The following DTNA variants were observed in gnomAD, a reference collection of about 807,000 sequenced individuals.
DTNA encodes the protein dystrophin-related protein 3.
In DTNA, 43 loss-of-function variants were observed where a neutral mutation model predicts 100.7. The observed-to-expected ratio is 0.43, with a 90% CI of 0.33 to 0.55. DTNA has a LOEUF of 0.55. DTNA is among the 20% of genes least tolerant of loss of function. The pLI is 0.04. For synonymous variants in DTNA, 349 were observed against 347.9 expected (o/e 1.00, Z -0.04); for missense variants, 798 against 953.9 (o/e 0.84, Z 2.15).
chr18:34,824,489 A>T (rs2095805940), intron 9 of DTNA, among the ~76,000 whole-genome samples: 1 of 151,942 alleles, frequency 6.6e-6, no homozygotes, highest in Non-Finnish European at 1.5e-5. Flanking sequence ...AAAAAAAAAA[A>T]ATTTTTTTTA....
In DTNA at chr18:34,749,643, A is replaced by AAAAAAAAAT. The variant is rs1210485347; in HGVS notation, c.-1-6331_-1-6330insAAAAAATAA. Among the ~76,000 whole-genome samples the AAAAAAAAAT allele has an allele frequency of 2.4e-3, 95 of 39,858 alleles. 1 individual carries two copies. The highest frequency in any genetic ancestry group is 3.3e-3 in the Non-Finnish European group (64 of 19,522). 26.1% of individuals were successfully genotyped at this position (39,858 alleles called of 152,430 possible). ...GTGAGCTCATGCACCTCTCTCCAAA[A>AAAAAAAAAT]AATAATAATAATAATAATAATAATA... On this transcript the variant is annotated intron_variant, in intron 1 of 22. Coordinates refer to ENST00000444659, the MANE Select transcript of DTNA (RefSeq NM_001386795.1).
At chr18:34,857,757 A>G (rs2096570633) in intron 15 of DTNA, among the ~76,000 whole-genome samples, 1 of 152,190 alleles carries the variant, frequency 6.6e-6, no homozygotes, top group Admixed American at 6.5e-5. Flanking sequence ...GTTTTCTCAG[A>G]TAAATTCAAT....
At chr18:34,727,075 T>C (rs2086879105) in intron 1 of DTNA, among the ~76,000 whole-genome samples, 1 of 152,174 alleles carries the variant, frequency 6.6e-6, no homozygotes, top group Admixed American at 6.5e-5. Flanking sequence ...GTTTGCACTC[T>C]CAGAAGCGGC....
At chr18:34,790,049 G>A (rs1371151849) in intron 3 of DTNA, among the ~76,000 whole-genome samples, 1 of 152,192 alleles carries the variant, frequency 6.6e-6, no homozygotes, top group Non-Finnish European at 1.5e-5. Context: ...TCATGACTAT[G>A]CCTTATTGCA....
chr18:34,849,643 T>C (rs1437579000), intron 14 of DTNA, among the ~76,000 whole-genome samples: 2 of 152,254 alleles, frequency 1.3e-5, no homozygotes, highest in African/African-American at 4.8e-5. Flanking sequence ...AAATGTTTTG[T>C]TGAGCCCCAC....
chr18:34,594,695 A>G (rs564086851), intron 1 of DTNA, among the ~76,000 whole-genome samples: 1 of 152,200 alleles, frequency 6.6e-6, no homozygotes, highest in Admixed American at 6.5e-5. Flanking sequence ...TGGGCATTAT[A>G]TTGATAAAGT....
At chr18:34,628,718 A>C (rs1311493387) in intron 1 of DTNA, among the ~76,000 whole-genome samples, 1 of 152,174 alleles carries the variant, frequency 6.6e-6, no homozygotes, top group South Asian at 2.1e-4. Flanking sequence ...GTATGTGTGA[A>C]GTATTATTGG....
chr18:34,753,354 TTTA>T (rs141986041), intron 1 of DTNA, among the ~76,000 whole-genome samples: 123,170 of 133,962 alleles, frequency 0.92, 56,553 homozygotes, highest in Middle Eastern at 0.98. Context: ...TATTTATTTA[TTTA>T]TTTATTTTAT....
At chr18:34,570,004 G>A (rs1314883528) in intron 1 of DTNA, among the ~76,000 whole-genome samples, 1 of 152,064 alleles carries the variant, frequency 6.6e-6, no homozygotes, top group Non-Finnish European at 1.5e-5. Flanking sequence ...TGACACATAC[G>A]TTCCATTAGC....
At chr18:34,754,255 G>A (rs1202169919) in intron 1 of DTNA, among the ~76,000 whole-genome samples, 1 of 151,932 alleles carries the variant, frequency 6.6e-6, no homozygotes, top group Non-Finnish European at 1.5e-5. Flanking sequence ...TTACCCTCAG[G>A]TGAGTCATTT....
chr18:34,659,615 TACACACAGAC>T (rs561929626), intron 1 of DTNA, among the ~76,000 whole-genome samples: 2,226 of 148,708 alleles, frequency 0.015, 43 homozygotes, highest in African/African-American at 0.05. Flanking sequence ...CACGTACACA[TACACACAGAC>T]ACACACAGAC....
chr18:34,728,223 A>C (rs752003796), intron 1 of DTNA, among the ~76,000 whole-genome samples: 2 of 152,146 alleles, frequency 1.3e-5, no homozygotes, highest in Non-Finnish European at 2.9e-5. Context: ...TTGTATAATT[A>C]TTGGAGTTTT....
chr18:34,744,061 G>C (rs1001768642), intron 1 of DTNA, among the ~76,000 whole-genome samples: 2 of 152,096 alleles, frequency 1.3e-5, no homozygotes, highest in Non-Finnish European at 2.9e-5. Flanking sequence ...TCTTCACTGT[G>C]TTTATCTCAA....
chr18:34,860,328 A>G (rs1358099363), intron 16 of DTNA, among the ~76,000 whole-genome samples: 1 of 146,862 alleles, frequency 6.8e-6, no homozygotes, highest in Admixed American at 7.0e-5. Flanking sequence ...CGGCCTCCCA[A>G]AGTGCTGGAA....
chr18:34,879,538 T>C lies in DTNA; in HGVS notation c.1994-13T>C, dbSNP rs1464885314. On this transcript the variant is annotated splice_polypyrimidine_tract_variant and intron_variant, in intron 19 of 22. Transcript: ENST00000444659. The stretch of plus-strand genomic sequence containing the variant: ...AACGAGTCATTCTTTATTTCTTCAA[T>C]TGTATCTGCTAGAGGTTGGGAGTGA... 3 of 1,613,974 alleles carry C rather than the reference T, an allele frequency of 1.9e-6. No individual in the cohort carries two copies. The highest frequency in any genetic ancestry group is 2.5e-6 in the Non-Finnish European group (3 of 1,179,910).
At chr18:34,862,911 A>G (rs1363862908) in intron 16 of DTNA, among the ~76,000 whole-genome samples, 1 of 152,198 alleles carries the variant, frequency 6.6e-6, no homozygotes, top group South Asian at 2.1e-4. Context: ...TGACATTTTT[A>G]TATCATCAGT....
At position 34,888,791 on chromosome 18, in the gene DTNA, A is replaced by G. The variant is rs1358901548; in HGVS notation, c.*1057A>G. The G allele has an allele frequency of 8.1e-6, 8 of 985,740 alleles. No individual in the cohort carries two copies. Among genetic ancestry groups the G allele is most frequent in the African/African-American group, 1.7e-5 (1 of 57,232 alleles). 61.1% of individuals were successfully genotyped at this position (985,740 alleles called of 1,614,324 possible). A position where few individuals can be genotyped will look rare whatever the true frequency, so the allele number is the denominator to read the frequency against. ...GCACCGCTCGTTCACAAGTTCCCCCATCAAGTTGTTTGGAGGCCTTCAGCT... is the reference window on the plus strand; with the variant it reads ...GCACCGCTCGTTCACAAGTTCCCCCGTCAAGTTGTTTGGAGGCCTTCAGCT... On this transcript the variant is annotated 3_prime_UTR_variant, in exon 23 of 23. Transcript: ENST00000444659.
At chr18:34,635,766 G>A (rs1024895067) in intron 1 of DTNA, among the ~76,000 whole-genome samples, 6 of 152,032 alleles carry the variant, frequency 3.9e-5, no homozygotes, top group Admixed American at 1.3e-4. Flanking sequence ...AGTCTTTTAG[G>A]TACTGGGAAG....
chr18:34,505,460 T>G (rs1367683379), intron 1 of DTNA, among the ~76,000 whole-genome samples: 1 of 152,214 alleles, frequency 6.6e-6, no homozygotes, highest in African/African-American at 2.4e-5. Flanking sequence ...CTGAATATCT[T>G]TGGGAGCCAT....
Sources: allele counts gnomAD v4.1 joint callset (sites outside exome capture counted in the v4.1 genomes callset), GRCh38; gene constraint gnomAD v4.1.1; transcripts MANE v1.5; gene names NCBI Gene and HGNC (gene_info 2026-07-23, HGNC 2026-07-21).